The following ST3GAL4 variants were observed in gnomAD, a reference collection of about 807,000 sequenced individuals.
ST3GAL4 encodes CMP-N-acetylneuraminate-beta-galactosamide-alpha-2,3-sialyltransferase 4.
Under a neutral mutation model 42.6 loss-of-function variants are expected in ST3GAL4, and 24 were observed. The observed-to-expected ratio is 0.56, with a 90% CI of 0.41 to 0.79. ST3GAL4 has a LOEUF of 0.79. Among genes scored for constraint, ST3GAL4 ranks in the 30% least tolerant of loss-of-function variants. The probability of loss-of-function intolerance (pLI) is 0.00; values close to 1 mark genes in which losing one functional copy is unlikely to be tolerated. For synonymous variants in ST3GAL4, 135 were observed against 163.2 expected (o/e 0.83, Z 1.32); for missense variants, 311 against 430.8 (o/e 0.72, Z 2.46).
chr11:126,388,177 A>C (rs181406893), intron 1 of ST3GAL4, among the ~76,000 whole-genome samples: 1 of 152,348 alleles, frequency 6.6e-6, no homozygotes, highest in Admixed American at 6.5e-5. Context: ...ATGAGAGCTC[A>C]GGTCCCTCGT....
At chr11:126,389,221 A>G (rs1953374780) in intron 1 of ST3GAL4, among the ~76,000 whole-genome samples, 1 of 152,118 alleles carries the variant, frequency 6.6e-6, no homozygotes, top group Non-Finnish European at 1.5e-5. Flanking sequence ...TTTCTTCACT[A>G]TCTCTATTAA....
In ST3GAL4 at chr11:126,373,885, G is replaced by A. The variant is rs1354151990; in HGVS notation, c.-61+18043G>A. 2.6e-5 allele frequency among the ~76,000 whole-genome samples: 4 copies of A among 152,060 alleles called. No individual in the cohort carries two copies. The highest frequency in any genetic ancestry group is 9.7e-5 in the African/African-American group (4 of 41,402). On this transcript the variant is annotated intron_variant, in intron 1 of 10. Coordinates refer to ENST00000444328, the MANE Select transcript of ST3GAL4 (RefSeq NM_001254757.2). This position sits in a 1 kb window ranked among gnomAD's most constrained non-coding sequence, Gnocchi z 5.5. ...GGGTGAGGCTGCAGCGTCCAGCCAG[G>A]GACTGTGCCGCAGGGGCCAGAAGAT...
At chr11:126,385,055 T>A (rs1280526428) in intron 1 of ST3GAL4, among the ~76,000 whole-genome samples, 1 of 152,108 alleles carries the variant, frequency 6.6e-6, no homozygotes, top group Non-Finnish European at 1.5e-5. Flanking sequence ...GTTTTGAGAC[T>A]CAGGACACCT....
At chr11:126,390,829 G>C (rs1953484702) in intron 1 of ST3GAL4, among the ~76,000 whole-genome samples, 1 of 146,154 alleles carries the variant, frequency 6.8e-6, no homozygotes, top group African/African-American at 2.6e-5. Flanking sequence ...CCACCCACTA[G>C]TCAAGAACTC....
intron 8 of ST3GAL4, 52 bp downstream of exon 8, chr11:126,408,548 C>T (rs745695874): frequency 1.3e-5 from 20 of 1,593,750 alleles, no homozygotes; most frequent in Middle Eastern, 1.7e-4. Flanking sequence ...GGACGCTGCC[C>T]GAGTCAGGAC....
chr11:126,403,601 G>T (rs1181315473), intron 1 of ST3GAL4: 4 of 249,508 alleles, frequency 1.6e-5, no homozygotes, highest in Non-Finnish European at 1.9e-5. Flanking sequence ...AGCTCCTCAG[G>T]TCATTGCATT....
At position 126,384,947 on chromosome 11, in the gene ST3GAL4, G is replaced by A. The variant is rs575727551; in HGVS notation, c.-60-21149G>A. 7.9e-4 allele frequency: 776 copies of A among 982,648 alleles called. 2 individuals carry two copies. Among genetic ancestry groups the A allele is most frequent in the Middle Eastern group, 6.8e-3 (13 of 1,912 alleles). 60.9% of individuals were successfully genotyped at this position (982,648 alleles called of 1,614,324 possible). On this transcript the variant is annotated intron_variant, in intron 1 of 10. Transcript: ENST00000444328. This position sits in a 1 kb window ranked among gnomAD's most constrained non-coding sequence, Gnocchi z 5.5. ...ATGGAGAGGGGCCGCCTTGTGCCTG[G>A]GAAGGGAGGACCAGGTGTCGCTGGC...
chr11:126,370,798 T>C (rs987799904), intron 1 of ST3GAL4, among the ~76,000 whole-genome samples: 2 of 151,742 alleles, frequency 1.3e-5, no homozygotes, highest in Admixed American at 1.3e-4. Context: ...TGCCTCAGCC[T>C]CCCGATTTGC....
chr11:126,408,299 A>AC lies in ST3GAL4; in HGVS notation c.438-3dup. The AC allele has an allele frequency of 7.4e-6, 12 of 1,612,708 alleles. No individual in the cohort carries two copies. The highest frequency in any genetic ancestry group is 1.0e-5 in the Non-Finnish European group (12 of 1,179,216). ...TCTAGTGATGGGAATCCTCCTCCCAACCCCCAGATTGAACAATGCCCCAGT... is the reference window on the plus strand; with the variant it reads ...TCTAGTGATGGGAATCCTCCTCCCAACCCCCCAGATTGAACAATGCCCCAGT... On this transcript the variant is annotated splice_polypyrimidine_tract_variant and splice_region_variant and intron_variant, in intron 7 of 10. Coordinates refer to ENST00000444328, the MANE Select transcript of ST3GAL4 (RefSeq NM_001254757.2).
chr11:126,384,485 C>T lies in ST3GAL4; in HGVS notation c.-60-21611C>T, dbSNP rs185511540. ...TGTCATCTGCAGAGGCAGCACTGTT[C>T]TGGAAGTGGACTCTGCTCAGGTGTG... On this transcript the variant is annotated intron_variant, in intron 1 of 10. Coordinates refer to ENST00000444328, the MANE Select transcript of ST3GAL4 (RefSeq NM_001254757.2). The surrounding 1 kb of genome is among the most constrained non-coding windows in gnomAD (Gnocchi z 5.5). Among the ~76,000 whole-genome samples, 1 of 152,168 alleles carries T rather than the reference C, an allele frequency of 6.6e-6. No individual in the cohort carries two copies. The highest frequency in any genetic ancestry group is 1.9e-4 in the East Asian group (1 of 5,156).
Position 126,377,209 on chromosome 11 carries a change from C to A in ST3GAL4, c.-61+21367C>A, listed in dbSNP as rs567926953. 5.3e-5 allele frequency among the ~76,000 whole-genome samples: 8 copies of A among 151,824 alleles called. No individual in the cohort carries two copies. The South Asian group carries it at 1.7e-3, about 31-fold the overall frequency. ...TTTTTGAGATCGAGTCTTACTCTGT[C>A]GCCCAGGCTGGAGTGTAGTGGCGCA... On this transcript the variant is annotated intron_variant, in intron 1 of 10. Transcript: ENST00000444328.
intron 1 of ST3GAL4, chr11:126,403,302 C>G: frequency 1.2e-6 from 1 of 811,922 alleles, no homozygotes; most frequent in South Asian, 5.6e-5. Flanking sequence ...CGAAGAAGGG[C>G]TAATTGTCTT....
chr11:126,388,899 T>G (rs1284783322), intron 1 of ST3GAL4, among the ~76,000 whole-genome samples: 1 of 149,748 alleles, frequency 6.7e-6, no homozygotes, highest in Non-Finnish European at 1.5e-5. Flanking sequence ...AGCCTCAGCC[T>G]CTTGAGCAGC....
chr11:126,409,122 C>T lies in ST3GAL4; in HGVS notation c.628-146C>T. ...CCTGGTCTCCCATCTGTGGCACAGA[C>T]TTCACCTCCCTTTCCTCTCACCTTG... is the stretch of plus-strand genomic sequence containing the variant. On this transcript the variant is annotated intron_variant, in intron 8 of 10. Coordinates refer to ENST00000444328, the MANE Select transcript of ST3GAL4 (RefSeq NM_001254757.2). This position sits in a 1 kb window ranked among gnomAD's most constrained non-coding sequence, Gnocchi z 4.9. 2 of 1,032,590 alleles carry T rather than the reference C, an allele frequency of 1.9e-6. No homozygotes were observed. The highest frequency in any genetic ancestry group is 2.7e-4 in the Middle Eastern group (1 of 3,668). The allele number at this position is 1,032,590 out of a possible 1,614,324, so 64.0% of individuals were successfully genotyped here. A position where few individuals can be genotyped will look rare whatever the true frequency, so the allele number is the denominator to read the frequency against.
intron 1 of ST3GAL4, among the ~76,000 whole-genome samples, chr11:126,402,007 C>A (rs1481389434): frequency 6.8e-6 from 1 of 146,670 alleles, no homozygotes; most frequent in African/African-American, 2.5e-5. Flanking sequence ...AGGTGGGAGA[C>A]ACAGGGAAAA....
intron 8 of ST3GAL4, chr11:126,408,719 A>G (rs995164676): frequency 3.4e-6 from 2 of 585,040 alleles, no homozygotes; most frequent in Non-Finnish European, 6.0e-6. Context: ...GTCAGGTGGC[A>G]GCAGCCACAG....
At chr11:126,401,304 A>T (rs967636419) in intron 1 of ST3GAL4, among the ~76,000 whole-genome samples, 1 of 151,762 alleles carries the variant, frequency 6.6e-6, no homozygotes, top group African/African-American at 2.4e-5. Flanking sequence ...TCGGTGGCTC[A>T]CGCCTGTAAT....
chr11:126,390,049 G>T (rs938209810), intron 1 of ST3GAL4, among the ~76,000 whole-genome samples: 2 of 148,052 alleles, frequency 1.4e-5, no homozygotes, highest in Non-Finnish European at 3.0e-5. Context: ...TGGGCGCGGT[G>T]GGGGGCGCCT....
Position 126,392,174 on chromosome 11 carries a change from G to T in ST3GAL4, c.-60-13922G>T, listed in dbSNP as rs143640616. 3.4e-6 allele frequency: 1 copy of T among 295,310 alleles called. No homozygotes were observed. Among genetic ancestry groups the T allele is most frequent in the Non-Finnish European group, 5.0e-6 (1 of 199,116 alleles). 18.3% of individuals were successfully genotyped at this position (295,310 alleles called of 1,614,324 possible). ...TCCTCCTGGAGGCCACATGTACCTT[G>T]CGCTTCCTGGGGCTTGGTCCTGGGG... On this transcript the variant is annotated intron_variant, in intron 1 of 10. Coordinates refer to ENST00000444328, the MANE Select transcript of ST3GAL4 (RefSeq NM_001254757.2). This position sits in a 1 kb window ranked among gnomAD's most constrained non-coding sequence, Gnocchi z 5.8.
Sources: allele counts gnomAD v4.1 joint callset (sites outside exome capture counted in the v4.1 genomes callset), GRCh38; gene constraint gnomAD v4.1.1; non-coding constraint Gnocchi (gnomAD v3.1); transcripts MANE v1.5; gene names NCBI Gene and HGNC (gene_info 2026-07-23, HGNC 2026-07-21).